The following TXNDC5 variants were observed in gnomAD, a reference collection of about 807,000 sequenced individuals.
The protein encoded by TXNDC5 is thioredoxin domain-containing protein 5.
TXNDC5 carries 44 observed loss-of-function variants against 52.6 expected under a neutral mutation model. The ratio of observed to expected loss-of-function variants is 0.84; its 90% CI spans 0.66 to 1.08. The LOEUF (loss-of-function observed/expected upper bound fraction) is 1.08, where lower values mean the gene tolerates loss of function less well. Ranked by LOEUF, TXNDC5 falls within the 50% of genes least tolerant of loss-of-function variation. The probability of loss-of-function intolerance (pLI) is 0.00; values close to 1 mark genes in which losing one functional copy is unlikely to be tolerated. For missense variants in TXNDC5, 600 were observed against 565.5 expected (o/e 1.06, Z -0.62); for synonymous variants, 241 against 234.4 (o/e 1.03, Z -0.26).
chr6:7,885,902 A>T, intron 8 of TXNDC5, 59 bp downstream of exon 8: 2 of 1,541,942 alleles, frequency 1.3e-6, no homozygotes, highest in Non-Finnish European at 1.8e-6. Context: ...ATGAGCTGAA[A>T]AACATGATGT....
intron 2 of TXNDC5, chr6:7,900,364 T>A (rs1760521483): frequency 6.6e-6 from 1 of 152,172 alleles, no homozygotes; most frequent in African/African-American, 2.4e-5. Flanking sequence ...CCTCCAGCAG[T>A]CACGGGAAAA....
chr6:7,886,787 A>G (rs1172669477), intron 7 of TXNDC5, among the ~76,000 whole-genome samples: 2 of 152,236 alleles, frequency 1.3e-5, no homozygotes, highest in Non-Finnish European at 2.9e-5. Context: ...GGGATGATTT[A>G]TCACGTGGCT....
intron 4 of TXNDC5, among the ~76,000 whole-genome samples, chr6:7,892,098 G>A (rs1016140759): frequency 2.0e-5 from 3 of 152,200 alleles, no homozygotes; most frequent in East Asian, 1.9e-4. Context: ...ATGAAGGGAC[G>A]CTTGAATGAG....
intron 1 of TXNDC5, among the ~76,000 whole-genome samples, chr6:7,905,604 G>C (rs565994597): frequency 6.6e-6 from 1 of 152,312 alleles, no homozygotes; most frequent in South Asian, 2.1e-4. Context: ...CCCAACACTA[G>C]ACCTTAAGTC....
chr6:7,896,572 TAAAG>T (rs1222653959), intron 3 of TXNDC5, among the ~76,000 whole-genome samples: 1 of 152,188 alleles, frequency 6.6e-6, no homozygotes, highest in Non-Finnish European at 1.5e-5. Flanking sequence ...GCTGGAATCA[TAAAG>T]AACCACAAAG....
At position 7,884,368 on chromosome 6, in the gene TXNDC5, G is replaced by A. The variant is rs1759881138; in HGVS notation, c.1167C>T (p.Ser389=). The A allele has an allele frequency of 6.2e-7, 1 of 1,614,042 alleles. No individual in the cohort carries two copies. The highest frequency in any genetic ancestry group is 1.3e-5 in the African/African-American group (1 of 75,016). ...CCATCCAAGTACCCACCGAATACTT[G>A]CTGCAGATATTCCGTTCAGCAGTGC... ...VDCTAERNIC[S]KYSVRGYPTL... The change falls in exon 9 of 10, where the codon AGC becomes AGT. Residue 389 remains serine, a synonymous_variant. Coordinates refer to ENST00000379757, the MANE Select transcript of TXNDC5 (RefSeq NM_030810.5).
chr6:7,897,206 GA>G (rs1170031910), intron 3 of TXNDC5, among the ~76,000 whole-genome samples: 5 of 152,118 alleles, frequency 3.3e-5, no homozygotes, highest in African/African-American at 1.2e-4. Flanking sequence ...TTAATGAGAT[GA>G]AACATGTTTG....
intron 8 of TXNDC5, 123 bp downstream of exon 8, chr6:7,885,838 T>C (rs1375473899): frequency 2.5e-6 from 2 of 790,238 alleles, no homozygotes; most frequent in Non-Finnish European, 4.0e-6. Context: ...TCCTACAACA[T>C]GACCTACATA....
intron 7 of TXNDC5, among the ~76,000 whole-genome samples, 186 bp downstream of exon 7, chr6:7,888,519 C>T (rs1033426396): frequency 6.6e-6 from 1 of 152,166 alleles, no homozygotes; most frequent in African/African-American, 2.4e-5. Context: ...TGCATTCGCC[C>T]CTGAAAGCAT....
intron 3 of TXNDC5, 27 bp downstream of exon 3, chr6:7,899,549 G>C (rs1760491473): frequency 6.9e-7 from 1 of 1,444,876 alleles, no homozygotes; most frequent in Non-Finnish European, 9.4e-7. Context: ...GGGAGGGAGG[G>C]AGGGAGGGAA....
chr6:7,896,934 A>G (rs1760388788), intron 3 of TXNDC5, among the ~76,000 whole-genome samples: 1 of 152,228 alleles, frequency 6.6e-6, no homozygotes, highest in South Asian at 2.1e-4. Flanking sequence ...ATCAAGAGCC[A>G]TAAAAATGAT....
intron 4 of TXNDC5, among the ~76,000 whole-genome samples, chr6:7,892,406 A>G (rs1375885849): frequency 6.6e-6 from 1 of 152,286 alleles, no homozygotes; most frequent in African/African-American, 2.4e-5. Flanking sequence ...AGAAAGATAA[A>G]GAGATGTCTG....
At chr6:7,894,801 G>C in intron 4 of TXNDC5, 1 of 985,430 alleles carries the variant, frequency 1.0e-6, no homozygotes, top group Non-Finnish European at 1.2e-6. Context: ...ATAAAGTAAA[G>C]AGCAATCAAG....
chr6:7,891,544 A>AC (rs1330647042), intron 5 of TXNDC5, 77 bp downstream of exon 5: 9 of 1,205,730 alleles, frequency 7.5e-6, no homozygotes, highest in Non-Finnish European at 1.1e-5. Flanking sequence ...TTGCACACGG[A>AC]ATGAATAATG....
At chr6:7,889,089 G>A in intron 6 of TXNDC5, 1 of 506,606 alleles carries the variant, frequency 2.0e-6, no homozygotes, top group Admixed American at 3.8e-5. Flanking sequence ...GAAGTCTGGG[G>A]CAGAGGCCTG....
intron 3 of TXNDC5, among the ~76,000 whole-genome samples, chr6:7,897,802 T>C (rs1352148069): frequency 3.9e-5 from 6 of 152,218 alleles, no homozygotes; most frequent in Admixed American, 2.6e-4. Flanking sequence ...TTTGGTGAAA[T>C]TTATTTGAGG....
At position 7,888,738 on chromosome 6, in the gene TXNDC5, G is replaced by A. The variant is rs1467037304; in HGVS notation, c.930C>T (p.Ala310=). ...CCTCGGGCTCAGCTGCCAGCACCGGGGCCTCTGAGGGCGTGACGGTCTCCG... is the reference window on the plus strand; with the variant it reads ...CCTCGGGCTCAGCTGCCAGCACCGGAGCCTCTGAGGGCGTGACGGTCTCCG... ...GATETVTPSE[A]PVLAAEPEAD... Residue 310 remains alanine, a synonymous_variant, in exon 7 of 10, where the codon GCC becomes GCT. Coordinates refer to ENST00000379757, the MANE Select transcript of TXNDC5 (RefSeq NM_030810.5). 1 of 1,613,582 alleles carries A rather than the reference G, an allele frequency of 6.2e-7. No homozygotes were observed. The highest frequency in any genetic ancestry group is 2.2e-5 in the East Asian group (1 of 44,854).
At position 7,882,190 on chromosome 6, in the gene TXNDC5, G is replaced by C. The variant is rs543289092; in HGVS notation, c.*954C>G. 6 of 152,750 alleles carry C rather than the reference G, an allele frequency of 3.9e-5. No homozygotes were observed. The highest frequency in any genetic ancestry group is 1.2e-4 in the African/African-American group (5 of 41,574). 9.5% of individuals were successfully genotyped at this position (152,750 alleles called of 1,614,324 possible). ...CTGAGAAACAGAATCAGAAACTCTA[G>C]AACTCTAGTTAGGGCCCTTCAGCAG... On this transcript the variant is annotated 3_prime_UTR_variant, in exon 10 of 10. Coordinates refer to ENST00000379757, the MANE Select transcript of TXNDC5 (RefSeq NM_030810.5).
chr6:7,883,794 T>G (rs758173271), intron 9 of TXNDC5, among the ~76,000 whole-genome samples: 27 of 152,210 alleles, frequency 1.8e-4, no homozygotes, highest in Non-Finnish European at 1.9e-4. Context: ...TCTAAAGGGC[T>G]CCAAAAGTGT....
Sources: allele counts gnomAD v4.1 joint callset (sites outside exome capture counted in the v4.1 genomes callset), GRCh38; gene constraint gnomAD v4.1.1; transcripts MANE v1.5; gene names NCBI Gene and HGNC (gene_info 2026-07-23, HGNC 2026-07-21).